WDR19: variants seen among roughly 807,000 people sequenced by gnomAD.
WDR19 encodes WD repeat domain 19, also known as WD repeat-containing protein 19.
Under a neutral mutation model 180.0 loss-of-function variants are expected in WDR19, and 121 were observed. The ratio of observed to expected loss-of-function variants is 0.67; its 90% CI spans 0.58 to 0.78. The LOEUF (loss-of-function observed/expected upper bound fraction) is 0.78. Among genes scored for constraint, WDR19 ranks in the 30% least tolerant of loss-of-function variants. The pLI is 0.00. For missense variants in WDR19, 1,450 were observed against 1,640.7 expected (o/e 0.88, Z 2.01); for synonymous variants, 497 against 540.7 (o/e 0.92, Z 1.12).
chr4:39,186,387 G>A (rs183051139), intron 2 of WDR19, among the ~76,000 whole-genome samples, 152 bp from the exon 3 acceptor site: 1 of 151,042 alleles, frequency 6.6e-6, no homozygotes, highest in Non-Finnish European at 1.5e-5. Flanking sequence ...ACTGAGGCAG[G>A]GGAATCGCTT....
Position 39,274,909 on chromosome 4 carries a change from C to T in WDR19, c.3667C>T (p.Arg1223Cys), listed in dbSNP as rs201597047. 1.8e-3 allele frequency: 2,899 copies of T among 1,613,982 alleles called. 7 individuals are homozygous for T. The highest frequency in any genetic ancestry group is 2.0e-3 in the Non-Finnish European group (2,363 of 1,179,888). The change falls in exon 33 of 37, where the codon CGC becomes TGC. Residue 1223 changes from arginine to cysteine, a missense_variant. By Grantham distance (180) the Arg-to-Cys change is radical. Coordinates refer to ENST00000399820, the MANE Select transcript of WDR19 (RefSeq NM_025132.4). Reference sequence around the variant, plus strand: ...AGCTATGTTGATGAGGCCTGAATACCGCAGCAAAATAGATGCCAAATACAA... The same window carrying T: ...AGCTATGTTGATGAGGCCTGAATACTGCAGCAAAATAGATGCCAAATACAA... ...FAAMLMRPEY[R>C]SKIDAKYKKK...
chr4:39,195,209 T>C (rs560322813), intron 5 of WDR19, among the ~76,000 whole-genome samples: 2 of 151,560 alleles, frequency 1.3e-5, no homozygotes, highest in South Asian at 4.2e-4. Flanking sequence ...CTACTAAAAA[T>C]ACAAAAAATT....
At chr4:39,265,886 G>A (rs1041331687) in intron 28 of WDR19, among the ~76,000 whole-genome samples, 177 bp from the exon 29 acceptor site, 1 of 151,948 alleles carries the variant, frequency 6.6e-6, no homozygotes, top group African/African-American at 2.4e-5. Context: ...TTTTATTAAT[G>A]GAGACTCTAG....
At chr4:39,197,397 G>A (rs1726855627) in intron 5 of WDR19, among the ~76,000 whole-genome samples, 1 of 138,144 alleles carries the variant, frequency 7.2e-6, no homozygotes, top group Non-Finnish European at 1.5e-5. Flanking sequence ...CTGCACTCCA[G>A]CCTGGGAAAC....
At chr4:39,247,474 C>A (rs923236064) in intron 24 of WDR19, among the ~76,000 whole-genome samples, 1 of 152,154 alleles carries the variant, frequency 6.6e-6, no homozygotes, top group Non-Finnish European at 1.5e-5. Flanking sequence ...GAACGCAGCT[C>A]CTCACCAGCA....
chr4:39,211,965 GAGAGAGAGAGAGAGAGA>G (rs1309365706), intron 9 of WDR19, among the ~76,000 whole-genome samples: 1 of 124,652 alleles, frequency 8.0e-6, no homozygotes, highest in Non-Finnish European at 1.7e-5. Context: ...GAGAGAGAGA[GAGAGAGAGAGAGAGAGA>G]GAGATAGATA....
At chr4:39,204,058 C>T (rs1727649822) in intron 7 of WDR19, among the ~76,000 whole-genome samples, 1 of 151,608 alleles carries the variant, frequency 6.6e-6, no homozygotes, top group African/African-American at 2.4e-5. Flanking sequence ...GGTTAGCAGA[C>T]CTCTTGAAGT....
chr4:39,252,161 T>C (rs1240750702), intron 24 of WDR19, among the ~76,000 whole-genome samples: 2 of 151,858 alleles, frequency 1.3e-5, no homozygotes, highest in Non-Finnish European at 2.9e-5. Context: ...ATATACATCA[T>C]GGAATACTAT....
rs1560503998 is a variant in WDR19 at position 39,218,088 on chromosome 4, C to T, written c.1462C>T (p.Leu488Phe). 1.9e-6 allele frequency: 3 copies of T among 1,613,830 alleles called. No homozygotes were observed. Residue 488 changes from leucine (L) to phenylalanine (F), a missense_variant, in exon 14 of 37, where the codon CTC (leucine) becomes TTC (phenylalanine). Physicochemically the swap from Leu to Phe is conservative, Grantham distance 22. Coordinates refer to ENST00000399820, the MANE Select transcript of WDR19 (RefSeq NM_025132.4). ...ATGCCATGCCTTAACTAGTGATTTC[C>T]TCATCTATGGTACAGATGTATGTAT... ...ILCHALTSDF[L>F]IYGTDTGVVQ...
intron 28 of WDR19, among the ~76,000 whole-genome samples, chr4:39,257,973 A>G (rs995643076): frequency 6.7e-6 from 1 of 149,990 alleles, no homozygotes; most frequent in African/African-American, 2.5e-5. Flanking sequence ...TCCACATGTC[A>G]CCCCCCAGTC....
At position 39,218,019 on chromosome 4, in the gene WDR19, G is replaced by T. The variant is rs190692187; in HGVS notation, c.1393G>T (p.Glu465Ter). The change falls in exon 14 of 37, where the codon GAG becomes TAG. Residue 465 changes from glutamate (E) to a stop codon, truncating the protein, a stop_gained. Transcript: ENST00000399820. LOFTEE classifies it high-confidence loss of function. ...SEILDAQEER[E>*]TRLFPAVDDK... ...AATCTTGGATGCTCAAGAAGAACGT[G>T]AGACTCGGCTTTTCCCAGCAGTGGA... 1 of 1,613,892 alleles carries T rather than the reference G, an allele frequency of 6.2e-7. No homozygotes were observed. Among genetic ancestry groups the T allele is most frequent in the Non-Finnish European group, 8.5e-7 (1 of 1,179,822 alleles).
chr4:39,239,277 G>A (rs576184149), intron 20 of WDR19, among the ~76,000 whole-genome samples: 4 of 151,956 alleles, frequency 2.6e-5, no homozygotes, highest in Non-Finnish European at 4.4e-5. Flanking sequence ...TGCCTGGCCC[G>A]GGAATATTAT....
chr4:39,253,988 G>A lies in WDR19; in HGVS notation c.2959G>A (p.Ala987Thr). The A allele has an allele frequency of 6.2e-7, 1 of 1,612,156 alleles. No individual in the cohort carries two copies. Among genetic ancestry groups the A allele is most frequent in the Non-Finnish European group, 8.5e-7 (1 of 1,178,728 alleles). Residue 987 changes from alanine (A) to threonine (T), a missense_variant, in exon 26 of 37, where the codon GCT becomes ACT. Transcript: ENST00000399820. ...ATGCAACAATGAAGCTTTCACACTG[G>A]CTCAGCAACACAACAAAATGGAAAT... ...SKCNNEAFTLAQQHNKMEIYA... is the reference protein window; with the variant it reads ...SKCNNEAFTLTQQHNKMEIYA...
At chr4:39,192,741 C>T (rs1267635131) in intron 4 of WDR19, among the ~76,000 whole-genome samples, 4 of 152,154 alleles carry the variant, frequency 2.6e-5, no homozygotes, top group Non-Finnish European at 5.9e-5. Flanking sequence ...GGATTATAGG[C>T]GTGAGCCACC....
chr4:39,277,762 T>G (rs922443157), intron 34 of WDR19, among the ~76,000 whole-genome samples: 1 of 152,156 alleles, frequency 6.6e-6, no homozygotes, highest in Non-Finnish European at 1.5e-5. Flanking sequence ...ATTATTATAA[T>G]TGAATAACAG....
chr4:39,220,177 G>A (rs1199660557), intron 14 of WDR19, among the ~76,000 whole-genome samples: 1 of 152,064 alleles, frequency 6.6e-6, no homozygotes, highest in African/African-American at 2.4e-5. Flanking sequence ...CTGAGATCAC[G>A]CCACTACACT....
chr4:39,235,107 C>T (rs1731248455), intron 20 of WDR19, among the ~76,000 whole-genome samples: 1 of 152,060 alleles, frequency 6.6e-6, no homozygotes, highest in Non-Finnish European at 1.5e-5. Context: ...GCTGTTTCTG[C>T]ATTTAGAATC....
chr4:39,201,601 C>T (rs1239645063), intron 6 of WDR19, among the ~76,000 whole-genome samples: 5 of 152,068 alleles, frequency 3.3e-5, no homozygotes, highest in Non-Finnish European at 5.9e-5. Context: ...AGAAGAAAGT[C>T]GATTCCTGTA....
At position 39,234,773 on chromosome 4, in the gene WDR19, G is replaced by C; in HGVS notation, c.2261G>C (p.Arg754Thr). 6.4e-7 allele frequency: 1 copy of C among 1,574,236 alleles called. No homozygotes were observed. The highest frequency in any genetic ancestry group is 2.3e-5 in the East Asian group (1 of 43,306). ...TCTTTCTCTTCTTAACAGATGAGAAGGGATTTACAGCATTGGGACAGTGCT... is the reference window on the plus strand; with the variant it reads ...TCTTTCTCTTCTTAACAGATGAGAACGGATTTACAGCATTGGGACAGTGCT... Reference protein sequence around the residue: ...SCPIAALEMRRDLQHWDSALQ... With the variant: ...SCPIAALEMRTDLQHWDSALQ... The change falls in exon 20 of 37, where the codon AGG becomes ACG. Residue 754 changes from arginine to threonine, a missense_variant. Arg to Thr is a moderately conservative substitution (Grantham distance 71). Transcript: ENST00000399820.
Sources: allele counts gnomAD v4.1 joint callset (sites outside exome capture counted in the v4.1 genomes callset), GRCh38; gene constraint gnomAD v4.1.1; transcripts MANE v1.5; gene names NCBI Gene and HGNC (gene_info 2026-07-23, HGNC 2026-07-21).